Variants in DCP2 observed in about 807,000 individuals in gnomAD.
DCP2 encodes the protein decapping mRNA 2, also known as m7GpppN-mRNA hydrolase.
In DCP2, 30 loss-of-function variants were observed where a neutral mutation model predicts 56.1. The ratio of observed to expected loss-of-function variants is 0.53; its 90% CI spans 0.40 to 0.73. The LOEUF is 0.73. DCP2 is among the 30% of genes least tolerant of loss of function. The probability of loss-of-function intolerance (pLI) is 0.00; values close to 1 mark genes in which losing one functional copy is unlikely to be tolerated. For missense variants in DCP2, 533 were observed against 502.7 expected (o/e 1.06, Z -0.58); for synonymous variants, 197 against 163.3 (o/e 1.21, Z -1.57).
chr5:112,982,867 T>G (rs1488123372), intron 1 of DCP2, among the ~76,000 whole-genome samples: 1 of 152,200 alleles, frequency 6.6e-6, no homozygotes, highest in Non-Finnish European at 1.5e-5. Context: ...AGATGGTAGG[T>G]GATTTTTGGA....
intron 2 of DCP2, among the ~76,000 whole-genome samples, chr5:112,989,346 AAC>A (rs1378659092): frequency 6.6e-6 from 1 of 152,180 alleles, no homozygotes; most frequent in Non-Finnish European, 1.5e-5. Context: ...AAGTTTAAGA[AAC>A]ACATATATTT....
At position 112,992,680 on chromosome 5, in the gene DCP2, A is replaced by C. The variant is rs3733969; in HGVS notation, c.342A>C (p.Leu114=). Residue 114 remains leucine (L), a synonymous_variant, in exon 4 of 11, where the codon CTA becomes CTC. Coordinates refer to ENST00000389063, the MANE Select transcript of DCP2 (RefSeq NM_152624.6). ...TTCTGCTTGTTTTGTAGGTACTACT[A>C]GTTCAGGGGTACCTAGCAAAATCAG... The part of the protein sequence containing the change: ...ILDETLENVL[L]VQGYLAKSGW... 6.3e-7 allele frequency: 1 copy of C among 1,577,698 alleles called. No individual in the cohort carries two copies. The highest frequency in any genetic ancestry group is 1.2e-5 in the South Asian group (1 of 84,190).
chr5:112,977,070 C>T (rs1219854360), intron 1 of DCP2, 84 bp downstream of exon 1: 7 of 1,073,592 alleles, frequency 6.5e-6, no homozygotes, highest in Non-Finnish European at 9.1e-6. Context: ...TCTTCTTCCC[C>T]GCCCACGTCC....
rs116117877 is a variant in DCP2, at chr5:112,985,769, A to T, written c.54-66A>T. ...TTGGTGGGTCAGGTATGAAGCACTT[A>T]AATAGCTTAAGATAAATCGTTATAG... On this transcript the variant is annotated intron_variant, in intron 1 of 10. Transcript: ENST00000389063. The T allele has an allele frequency of 8.4e-4, 1,312 of 1,554,096 alleles. 8 individuals carry two copies. The African/African-American group carries it at 0.016, about 19-fold the overall frequency.
chr5:112,985,768 T>G (rs984094064), intron 1 of DCP2, 67 bp from the exon 2 acceptor site: 9 of 1,553,794 alleles, frequency 5.8e-6, no homozygotes, highest in African/African-American at 1.3e-5. Flanking sequence ...ATGAAGCACT[T>G]AAATAGCTTA....
At chr5:112,992,306 A>G in intron 3 of DCP2, 58 bp downstream of exon 3, 2 of 1,564,692 alleles carry the variant, frequency 1.3e-6, no homozygotes, top group Admixed American at 4.0e-5. Context: ...CTGTTAACAA[A>G]ATTTGTTATT....
Position 112,992,777 on chromosome 5 carries a change from T to A in DCP2, c.432+7T>A. On this transcript the variant is annotated splice_region_variant and intron_variant, in intron 4 of 10. Transcript: ENST00000389063. The stretch of plus-strand genomic sequence containing the variant: ...TGATTGTGCTGCTAGAGAGGTAAGT[T>A]ATTCCATTTTGATACACAGTAAATT... 6.4e-7 allele frequency: 1 copy of A among 1,557,926 alleles called. No individual in the cohort carries two copies. The highest frequency in any genetic ancestry group is 8.6e-7 in the Non-Finnish European group (1 of 1,163,566).
At chr5:112,992,376 C>G (rs1359742037) in intron 3 of DCP2, 128 bp downstream of exon 3, 10 of 1,234,260 alleles carry the variant, frequency 8.1e-6, no homozygotes, top group South Asian at 1.6e-5. Context: ...GCTAAAAGGC[C>G]AAGCTTTGTA....
intron 9 of DCP2, among the ~76,000 whole-genome samples, chr5:113,008,767 A>G (rs527341965): frequency 2.6e-5 from 4 of 152,322 alleles, no homozygotes; most frequent in Non-Finnish European, 5.9e-5. Flanking sequence ...GGTGACAAGA[A>G]CAGAGAAGAC....
intron 1 of DCP2, chr5:112,984,688 A>AC: frequency 1.2e-5 from 1 of 82,820 alleles, no homozygotes; most frequent in Non-Finnish European, 2.2e-5. Context: ...TTCTTAATTA[A>AC]AAAAAAAAAA....
rs1750156353 is a variant in DCP2 at position 113,021,820 on chromosome 5, C to CTTGA, written c.*8339_*8342dup. Among the ~76,000 whole-genome samples, 1 of 152,184 alleles carries CTTGA rather than the reference C, an allele frequency of 6.6e-6. No individual in the cohort carries two copies. The highest frequency in any genetic ancestry group is 3.2e-3 in the Middle Eastern group (1 of 316). On this transcript the variant is annotated 3_prime_UTR_variant, in exon 11 of 11. Coordinates refer to ENST00000389063, the MANE Select transcript of DCP2 (RefSeq NM_152624.6). ...ATATGACTTCCTTGCATTTCCAGTC[C>CTTGA]TTGATTACATTCCATTTTAATGATC...
At chr5:112,986,988 G>A (rs1748319554) in intron 2 of DCP2, among the ~76,000 whole-genome samples, 1 of 152,212 alleles carries the variant, frequency 6.6e-6, no homozygotes, top group Admixed American at 6.5e-5. Flanking sequence ...GGACGGCAGA[G>A]TGAGATTCCG....
chr5:113,009,087 C>T (rs1255715468), intron 9 of DCP2, among the ~76,000 whole-genome samples: 1 of 152,154 alleles, frequency 6.6e-6, no homozygotes, highest in African/African-American at 2.4e-5. Flanking sequence ...CCTCGTGATC[C>T]ACCTGCCTCT....
At chr5:112,981,592 G>A (rs1216395270) in intron 1 of DCP2, among the ~76,000 whole-genome samples, 1 of 152,120 alleles carries the variant, frequency 6.6e-6, no homozygotes, top group East Asian at 1.9e-4. Context: ...AGTCTTCAGC[G>A]GCTAGTTTCT....
rs1750082338 is a variant in DCP2, at chr5:113,020,768, A to G, written c.*7284A>G. On this transcript the variant is annotated 3_prime_UTR_variant, in exon 11 of 11. Coordinates refer to ENST00000389063, the MANE Select transcript of DCP2 (RefSeq NM_152624.6). ...GAAAATGAACAAAATCCTATGTCTTAACAGTTATGCTCTAACTTTTTGAAA... is the reference window on the plus strand; with the variant it reads ...GAAAATGAACAAAATCCTATGTCTTGACAGTTATGCTCTAACTTTTTGAAA... 1 of 152,242 alleles carries G rather than the reference A, an allele frequency of 6.6e-6. No individual in the cohort carries two copies. The highest frequency in any genetic ancestry group is 6.5e-5 in the Admixed American group (1 of 15,284). 9.4% of individuals were successfully genotyped at this position (152,242 alleles called of 1,614,324 possible). A position where few individuals can be genotyped will look rare whatever the true frequency, so the allele number is the denominator to read the frequency against.
chr5:113,002,105 G>C (rs1580822572), intron 7 of DCP2, among the ~76,000 whole-genome samples: 2 of 152,276 alleles, frequency 1.3e-5, no homozygotes, highest in Admixed American at 6.5e-5. Flanking sequence ...ATTGGAGATA[G>C]AACAGTGAAG....
chr5:112,995,636 A>T (rs188708117), intron 4 of DCP2, among the ~76,000 whole-genome samples: 1 of 152,238 alleles, frequency 6.6e-6, no homozygotes, highest in Admixed American at 6.5e-5. Context: ...TAAAAATTCT[A>T]ACCTCTAAAC....
chr5:112,980,376 T>C (rs1246015617), intron 1 of DCP2, among the ~76,000 whole-genome samples: 2 of 152,210 alleles, frequency 1.3e-5, no homozygotes, highest in Non-Finnish European at 2.9e-5. Context: ...TAATTTGTGC[T>C]CATCTTCAGC....
At position 113,017,664 on chromosome 5, in the gene DCP2, A is replaced by G. The variant is rs1447570145; in HGVS notation, c.*4180A>G. 2.0e-5 allele frequency: 3 copies of G among 152,212 alleles called. No individual in the cohort carries two copies. The highest frequency in any genetic ancestry group is 6.5e-5 in the Admixed American group (1 of 15,284). 9.4% of individuals were successfully genotyped at this position (152,212 alleles called of 1,614,324 possible). A position where few individuals can be genotyped will look rare whatever the true frequency, so the allele number is the denominator to read the frequency against. On this transcript the variant is annotated 3_prime_UTR_variant, in exon 11 of 11. Transcript: ENST00000389063. Reference sequence around the variant, plus strand: ...AAATATGATAGATTATTGTTATAGAATCAAAGTGTCCTGAAGGGAGAAGAA... The same window carrying G: ...AAATATGATAGATTATTGTTATAGAGTCAAAGTGTCCTGAAGGGAGAAGAA...
Sources: allele counts gnomAD v4.1 joint callset (sites outside exome capture counted in the v4.1 genomes callset), GRCh38; gene constraint gnomAD v4.1.1; transcripts MANE v1.5; gene names NCBI Gene and HGNC (gene_info 2026-07-23, HGNC 2026-07-21).